SGK1: variants seen among roughly 807,000 people sequenced by gnomAD.
SGK1 encodes the protein serum/glucocorticoid regulated kinase 1, also known as serine/threonine-protein kinase Sgk1.
Under a neutral mutation model 64.2 loss-of-function variants are expected in SGK1, and 26 were observed. The observed-to-expected ratio is 0.40, with a 90% CI of 0.30 to 0.56. The LOEUF is 0.56. Ranked by LOEUF, SGK1 falls within the 20% of genes least tolerant of loss-of-function variation. The probability of loss-of-function intolerance (pLI) is 0.38; values close to 1 mark genes in which losing one functional copy is unlikely to be tolerated. For synonymous variants in SGK1, 265 were observed against 239.7 expected (o/e 1.11, Z -0.98); for missense variants, 519 against 645.6 (o/e 0.80, Z 2.12).
At chr6:134,176,553 G>A (rs939767309) in intron 3 of SGK1, among the ~76,000 whole-genome samples, 1 of 152,182 alleles carries the variant, frequency 6.6e-6, no homozygotes, top group East Asian at 1.9e-4. Flanking sequence ...TGGGCCCGGA[G>A]CGGGCAGTTA....
intron 2 of SGK1, among the ~76,000 whole-genome samples, chr6:134,245,008 T>C (rs935360345): frequency 1.3e-5 from 2 of 152,232 alleles, no homozygotes; most frequent in Non-Finnish European, 2.9e-5. Flanking sequence ...ACTCCTGACC[T>C]CAGGTGATCC....
chr6:134,187,873 T>C (rs1409721105), intron 3 of SGK1, among the ~76,000 whole-genome samples: 1 of 152,126 alleles, frequency 6.6e-6, no homozygotes, highest in South Asian at 2.1e-4. Context: ...ATGGAAGCTG[T>C]CCAATATAAT....
At position 134,211,892 on chromosome 6, in the gene SGK1, A is replaced by T. The variant is rs1375058763; in HGVS notation, c.286-4461T>A. ...CGTCTACAAGGAAAAAAAAAAAAAA[A>T]AAAAAAAATCCCTCCTACCTGACTA... On this transcript the variant is annotated intron_variant, in intron 2 of 13. Transcript: ENST00000367858. 1.7e-3 allele frequency among the ~76,000 whole-genome samples: 251 copies of T among 151,246 alleles called. 3 individuals are homozygous for T. The highest frequency in any genetic ancestry group is 5.7e-3 in the African/African-American group (236 of 41,288).
chr6:134,207,534 T>A, intron 2 of SGK1, 103 bp from the exon 3 acceptor site: 1 of 778,220 alleles, frequency 1.3e-6, no homozygotes, highest in Non-Finnish European at 2.2e-6. Flanking sequence ...CTGAAACTAG[T>A]ACATATGGCA....
At chr6:134,304,969 T>C (rs189011994) in intron 1 of SGK1, among the ~76,000 whole-genome samples, 5 of 152,154 alleles carry the variant, frequency 3.3e-5, no homozygotes, top group East Asian at 1.9e-4. Flanking sequence ...AAAAGAAAAA[T>C]CTTTAACCTA....
At position 134,187,134 on chromosome 6, in the gene SGK1, T is replaced by G. The variant is rs905525133; in HGVS notation, c.362-12548A>C. Among the ~76,000 whole-genome samples, 3 of 152,074 alleles carry G rather than the reference T, an allele frequency of 2.0e-5. No homozygotes were observed. In the East Asian group the frequency reaches 5.8e-4, roughly 29 times the overall value. On this transcript the variant is annotated intron_variant, in intron 3 of 13. Transcript: ENST00000367858. ...CCTGGCAGACATACACTTCTTTATC[T>G]CCATTGTGGAATAGTAGTCCAATTT...
Position 134,261,966 on chromosome 6 carries a change from C to T in SGK1, c.252G>A (p.Glu84=). 1 of 1,613,720 alleles carries T rather than the reference C, an allele frequency of 6.2e-7. No individual in the cohort carries two copies. Among genetic ancestry groups the T allele is most frequent in the South Asian group, 1.1e-5 (1 of 91,076 alleles). ...CAGATTGAGTTTCCCATGAACATGA[C>T]TCGTTCTCCTGAGGGAGAACCCCTC... The part of the protein sequence containing the change: ...FQRGVLPQEN[E]SCSWETQSGC... Residue 84 remains glutamate, a synonymous_variant, in exon 2 of 14, where the codon GAG becomes GAA. Coordinates refer to ENST00000367858, the MANE Select transcript of SGK1 (RefSeq NM_001143676.3).
chr6:134,173,229 GGA>G, intron 7 of SGK1, 43 bp downstream of exon 7: 2 of 1,610,572 alleles, frequency 1.2e-6, no homozygotes, highest in Non-Finnish European at 1.7e-6. Flanking sequence ...GATTATTCAA[GGA>G]GTGTCTACCG....
intron 3 of SGK1, among the ~76,000 whole-genome samples, chr6:134,194,489 AGCTG>A (rs1428800820): frequency 9.3e-5 from 14 of 151,156 alleles, no homozygotes; most frequent in African/African-American, 3.4e-4. Context: ...TGCTCAAATA[AGCTG>A]TTAAATTCAA....
At chr6:134,248,642 G>A (rs969656404) in intron 2 of SGK1, among the ~76,000 whole-genome samples, 1 of 151,864 alleles carries the variant, frequency 6.6e-6, no homozygotes, top group Non-Finnish European at 1.5e-5. Flanking sequence ...AGTAGAGACA[G>A]GGTTTCACCA....
At chr6:134,220,073 A>AG (rs1383563914) in intron 2 of SGK1, among the ~76,000 whole-genome samples, 3 of 146,196 alleles carry the variant, frequency 2.1e-5, no homozygotes, top group African/African-American at 7.5e-5. Flanking sequence ...AAAAAAAAAA[A>AG]AAAAAAAAAA....
intron 2 of SGK1, among the ~76,000 whole-genome samples, chr6:134,224,904 G>A (rs1223862215): frequency 1.3e-5 from 2 of 149,932 alleles, no homozygotes; most frequent in South Asian, 2.1e-4. Context: ...GCCTGTAATC[G>A]CAGCCACTTG....
At chr6:134,177,243 A>G (rs1367134025) in intron 3 of SGK1, among the ~76,000 whole-genome samples, 4 of 152,096 alleles carry the variant, frequency 2.6e-5, no homozygotes, top group African/African-American at 7.2e-5. Context: ...AACAAAACAA[A>G]AACAAAAACA....
intron 1 of SGK1, among the ~76,000 whole-genome samples, chr6:134,302,130 G>A (rs890994570): frequency 5.3e-5 from 8 of 152,164 alleles, no homozygotes; most frequent in Admixed American, 4.6e-4. Context: ...TGGACTTTAA[G>A]TCTTTATGTA....
intron 1 of SGK1, among the ~76,000 whole-genome samples, chr6:134,295,783 A>G (rs1253178849): frequency 1.3e-5 from 2 of 152,074 alleles, no homozygotes; most frequent in Non-Finnish European, 2.9e-5. Context: ...GGAGCAGGAC[A>G]GTAGCAAGAG....
At position 134,262,113 on chromosome 6, in the gene SGK1, C is replaced by T. The variant is rs1292623437; in HGVS notation, c.105G>A (p.Val35=). Residue 35 remains valine, a synonymous_variant, in exon 2 of 14, where the codon GTG becomes GTA. Transcript: ENST00000367858. ...TCAGGCTGGGACTCTGATGCTTGTCCACACTGACCATTGGGCTCTTGATCC... is the reference window on the plus strand; with the variant it reads ...TCAGGCTGGGACTCTGATGCTTGTCTACACTGACCATTGGGCTCTTGATCC... The part of the protein sequence containing the change: ...RRWIKSPMVS[V]DKHQSPSLKY... 1.2e-6 allele frequency: 2 copies of T among 1,603,088 alleles called. No homozygotes were observed. Among genetic ancestry groups the T allele is most frequent in the Non-Finnish European group, 1.7e-6 (2 of 1,172,012 alleles).
At chr6:134,174,831 A>T in intron 3 of SGK1, 1 of 1,613,716 alleles carries the variant, frequency 6.2e-7, no homozygotes, top group Non-Finnish European at 8.5e-7. Context: ...AGACAGAAAG[A>T]CGTTAGCGCT....
At chr6:134,239,848 G>T (rs1582735602) in intron 2 of SGK1, among the ~76,000 whole-genome samples, 1 of 152,246 alleles carries the variant, frequency 6.6e-6, no homozygotes, top group East Asian at 1.9e-4. Flanking sequence ...CACACTGCAG[G>T]ACTCTCAAGT....
intron 3 of SGK1, among the ~76,000 whole-genome samples, chr6:134,179,519 A>G (rs1775300012): frequency 6.8e-6 from 1 of 147,170 alleles, no homozygotes; most frequent in Non-Finnish European, 1.5e-5. Flanking sequence ...TTTTTACAGA[A>G]AATGATGATG....
Sources: gnomAD v4.1 joint callset for allele counts (sites outside exome capture counted in the v4.1 genomes callset) on GRCh38, gnomAD v4.1.1 for gene constraint, MANE v1.5 for transcripts, NCBI Gene and HGNC (gene_info 2026-07-23, HGNC 2026-07-21) for gene names.